TG: variants seen among roughly 807,000 people sequenced by gnomAD.
The protein encoded by TG is thyroid hormones.
Under a neutral mutation model 324.7 loss-of-function variants are expected in TG, and 270 were observed. The observed-to-expected ratio is 0.83, with a 90% confidence interval of 0.75 to 0.92. TG has a LOEUF of 0.92. TG is among the 40% of genes least tolerant of loss of function. TG has a pLI of 0.00. For missense variants in TG, 3,591 were observed against 3,456.4 expected (o/e 1.04, Z -0.98); for synonymous variants, 1,401 against 1,327.0 (o/e 1.06, Z -1.21).
At chr8:133,030,618 C>T (rs1000521140) in intron 41 of TG, among the ~76,000 whole-genome samples, 4 of 152,188 alleles carry the variant, frequency 2.6e-5, no homozygotes, top group Non-Finnish European at 4.4e-5. Context: ...CTGGAAATGC[C>T]ATGAAACATT....
intron 1 of TG, among the ~76,000 whole-genome samples, chr8:132,867,456 T>C (rs1471312003): frequency 6.6e-6 from 1 of 151,204 alleles, no homozygotes; most frequent in African/African-American, 2.4e-5. Flanking sequence ...TGAAGTGAAA[T>C]AGCCCTAAGT....
chr8:133,072,057 C>T (rs1844138882), intron 41 of TG, among the ~76,000 whole-genome samples: 1 of 152,168 alleles, frequency 6.6e-6, no homozygotes, highest in African/African-American at 2.4e-5. Context: ...CCCCTAAGCA[C>T]AAGCCAGCAA....
intron 41 of TG, among the ~76,000 whole-genome samples, chr8:133,082,205 A>C (rs1845854592): frequency 6.6e-6 from 1 of 152,186 alleles, no homozygotes; most frequent in Admixed American, 6.5e-5. Context: ...TCATAACACC[A>C]ACCTTCCTTA....
At chr8:133,050,213 C>G in intron 41 of TG, 1 of 552,864 alleles carries the variant, frequency 1.8e-6, no homozygotes, top group Non-Finnish European at 3.3e-6. Context: ...TAAACCCTCC[C>G]ATGTGCTAGA....
chr8:133,017,760 T>TCTTCCCTTTCC lies in TG; in HGVS notation c.6563-16_6563-6dup, dbSNP rs746381639. ...GCCTCTCCCCTTCCTCACCCCTTTC[T>TCTTCCCTTTCC]CTTCCCTTTCCCAACAGGAATCTCT... On this transcript the variant is annotated splice_polypyrimidine_tract_variant and intron_variant, in intron 37 of 47. Coordinates refer to ENST00000220616, the MANE Select transcript of TG (RefSeq NM_003235.5). The TCTTCCCTTTCC allele has an allele frequency of 3.7e-6, 6 of 1,613,334 alleles. No individual in the cohort carries two copies. Among genetic ancestry groups the TCTTCCCTTTCC allele is most frequent in the Non-Finnish European group, 5.1e-6 (6 of 1,179,312 alleles).
chr8:132,885,298 T>C (rs991307507), intron 8 of TG, among the ~76,000 whole-genome samples: 2 of 152,182 alleles, frequency 1.3e-5, no homozygotes, highest in Non-Finnish European at 2.9e-5. Context: ...ATAGAATGAC[T>C]TGACCATGCA....
intron 17 of TG, among the ~76,000 whole-genome samples, chr8:132,907,722 C>G (rs930438583): frequency 9.2e-5 from 14 of 152,166 alleles, no homozygotes; most frequent in Non-Finnish European, 1.9e-4. Context: ...GACCCTAGAG[C>G]AAAGGACTTT....
At chr8:132,973,965 G>C (rs567754229) in intron 34 of TG, among the ~76,000 whole-genome samples, 1 of 150,410 alleles carries the variant, frequency 6.6e-6, no homozygotes, top group Non-Finnish European at 1.5e-5. Context: ...AGGGGTCTTC[G>C]AGATCCCTAC....
chr8:133,007,970 A>T (rs1274100849), intron 35 of TG, among the ~76,000 whole-genome samples: 3 of 152,288 alleles, frequency 2.0e-5, no homozygotes, highest in South Asian at 2.1e-4. Flanking sequence ...AGTTTCATTG[A>T]TGGTGATTTT....
At position 132,901,384 on chromosome 8, in the gene TG, A is replaced by G. The variant is rs1563930660; in HGVS notation, c.3465A>G (p.Gly1155=). 1.9e-6 allele frequency: 3 copies of G among 1,614,068 alleles called. No individual in the cohort carries two copies. The highest frequency in any genetic ancestry group is 2.5e-6 in the Non-Finnish European group (3 of 1,180,044). The change falls in exon 16 of 48, where the codon GGA becomes GGG. Residue 1155 remains glycine, a synonymous_variant. Coordinates refer to ENST00000220616, the MANE Select transcript of TG (RefSeq NM_003235.5). Reference sequence around the variant, plus strand: ...GCCTCTGCAATGTGCTCAAGAGTGGAGTCCTCTCCAGGAGAGTCAGCCCAG... The same window carrying G: ...GCCTCTGCAATGTGCTCAAGAGTGGGGTCCTCTCCAGGAGAGTCAGCCCAG... The part of the protein sequence containing the change: ...CPSLCNVLKS[G]VLSRRVSPGY...
intron 10 of TG, among the ~76,000 whole-genome samples, chr8:132,892,635 G>T (rs1442802659): frequency 6.6e-6 from 1 of 152,166 alleles, no homozygotes; most frequent in African/African-American, 2.4e-5. Flanking sequence ...ATGTGCTCAC[G>T]TGTGGGTGTG....
chr8:133,098,735 G>A (rs1848812616), intron 43 of TG, among the ~76,000 whole-genome samples: 1 of 152,200 alleles, frequency 6.6e-6, no homozygotes, highest in Non-Finnish European at 1.5e-5. Flanking sequence ...CAACTCAGTG[G>A]AAATGCCATC....
At position 132,873,088 on chromosome 8, in the gene TG, C is replaced by G; in HGVS notation, c.505C>G (p.Arg169Gly). The G allele has an allele frequency of 6.8e-6, 11 of 1,614,086 alleles. No homozygotes were observed. The highest frequency in any genetic ancestry group is 9.3e-6 in the Non-Finnish European group (11 of 1,180,018). ...TCCAAGGAGCTGTGAAATAAGAAAT[C>G]GTCGTCTTCTCCACGGGGTGGGAGA... ...RCPRSCEIRN[R>G]RLLHGVGDKS... is the part of the protein sequence containing the mutation. The change falls in exon 5 of 48, where the codon CGT (arginine) becomes GGT (glycine). Residue 169 changes from arginine (R) to glycine (G), a missense_variant. By Grantham distance (125) the Arg-to-Gly change is moderately radical. Coordinates refer to ENST00000220616, the MANE Select transcript of TG (RefSeq NM_003235.5).
Position 132,908,337 on chromosome 8 carries a change from C to G in TG, c.3999C>G (p.Ile1333Met), listed in dbSNP as rs150728539. 247 of 1,548,574 alleles carry G rather than the reference C, an allele frequency of 1.6e-4. No individual in the cohort carries two copies. The African/African-American group carries it at 3.3e-3, about 21-fold the overall frequency. The change falls in exon 18 of 48, where the codon ATC (isoleucine) becomes ATG (methionine). Residue 1333 changes from isoleucine (I) to methionine (M), a missense_variant. Transcript: ENST00000220616. The stretch of plus-strand genomic sequence containing the variant: ...TGACAGCCCGCGGCTTCTGCCAGAT[C>G]CAGGTACATGCCTGGCCTTCCCCAC... ...DELTARGFCQIQVKTFGTLVS... is the reference protein window; with the variant it reads ...DELTARGFCQMQVKTFGTLVS...
Position 132,964,625 on chromosome 8 carries a change from A to C in TG, c.5548+1551A>C, listed in dbSNP as rs116837577. 8.7e-3 allele frequency: 3,644 copies of C among 421,038 alleles called. 128 individuals are homozygous for C. Among genetic ancestry groups the C allele is most frequent in the African/African-American group, 0.069 (3,386 of 49,362 alleles). The allele number at this position is 421,038 out of a possible 1,614,324, so 26.1% of individuals were successfully genotyped here. A position where few individuals can be genotyped will look rare whatever the true frequency, so the allele number is the denominator to read the frequency against. On this transcript the variant is annotated intron_variant, in intron 29 of 47. Transcript: ENST00000220616. ...TGGTCTCATTGCTTTTAAGGAGGGC[A>C]CATAGTTTTAAGAGAAATAGGAAAT...
At chr8:132,966,487 TTTCTTTC>T in intron 29 of TG, 66 bp from the exon 30 acceptor site, 2 of 1,548,990 alleles carry the variant, frequency 1.3e-6, no homozygotes, top group Non-Finnish European at 8.9e-7. Context: ...TGTGTGTGTG[TTTCTTTC>T]TTGTGTTTTT....
intron 34 of TG, among the ~76,000 whole-genome samples, chr8:132,979,665 C>A (rs1435813716): frequency 6.6e-6 from 1 of 152,178 alleles, no homozygotes. Context: ...TTACCCCATG[C>A]AGTGCTGTGC....
At chr8:133,018,121 A>C in intron 38 of TG, 124 bp downstream of exon 38, 3 of 915,328 alleles carry the variant, frequency 3.3e-6, no homozygotes, top group Non-Finnish European at 5.2e-6. Context: ...GGAGGATGGA[A>C]TATATTAGCT....
At chr8:132,962,223 T>C (rs998358141) in intron 28 of TG, among the ~76,000 whole-genome samples, 1 of 152,058 alleles carries the variant, frequency 6.6e-6, no homozygotes, top group African/African-American at 2.4e-5. Flanking sequence ...AGAGATAAAA[T>C]GAGATTATGT....
Sources: allele counts gnomAD v4.1 joint callset (sites outside exome capture counted in the v4.1 genomes callset), GRCh38; gene constraint gnomAD v4.1.1; transcripts MANE v1.5; gene names NCBI Gene and HGNC (gene_info 2026-07-23, HGNC 2026-07-21).